The following ROBO2 variants were observed in gnomAD, a reference collection of about 807,000 sequenced individuals.
The protein encoded by ROBO2 is roundabout guidance receptor 2, also known as roundabout homolog 2.
Under a neutral mutation model 160.8 loss-of-function variants are expected in ROBO2, and 53 were observed. The ratio of observed to expected loss-of-function variants is 0.33; its 90% CI spans 0.26 to 0.41. The LOEUF (loss-of-function observed/expected upper bound fraction) is 0.41, where lower values mean the gene tolerates loss of function less well. Ranked by LOEUF, ROBO2 falls within the 10% of genes least tolerant of loss-of-function variation. The probability of loss-of-function intolerance (pLI) is 1.00; values close to 1 mark genes in which losing one functional copy is unlikely to be tolerated. For synonymous variants in ROBO2, 664 were observed against 611.7 expected (o/e 1.09, Z -1.26); for missense variants, 1,577 against 1,722.4 (o/e 0.92, Z 1.49).
intron 2 of ROBO2, among the ~76,000 whole-genome samples, chr3:77,419,652 A>G (rs780945790): frequency 5.9e-5 from 9 of 152,134 alleles, no homozygotes; most frequent in African/African-American, 9.7e-5. Flanking sequence ...ACTTACTATG[A>G]GAGTAAATAT....
In ROBO2 at chr3:77,334,158, T is replaced by G. The variant is rs924123998; in HGVS notation, c.389-143256T>G. 2.6e-5 allele frequency among the ~76,000 whole-genome samples: 4 copies of G among 152,182 alleles called. No individual in the cohort carries two copies. In the East Asian group the frequency reaches 7.7e-4, roughly 29 times the overall value. On this transcript the variant is annotated intron_variant, in intron 2 of 25. Transcript: ENST00000461745. ...GATTGGTAGATACAAAGTGATCATT[T>G]CAGCATTGTATTAAGCTGTACGTGG...
chr3:76,371,927 G>A (rs2076123410), intron 2 of ROBO2, among the ~76,000 whole-genome samples: 1 of 151,820 alleles, frequency 6.6e-6, no homozygotes, highest in African/African-American at 2.4e-5. Flanking sequence ...CTAATGGAAT[G>A]TCTTTTATAA....
At chr3:76,069,525 G>GTT (rs35295337) in intron 2 of ROBO2, among the ~76,000 whole-genome samples, 85,117 of 148,004 alleles carry the variant, frequency 0.58, 24,544 homozygotes, top group Middle Eastern at 0.73. Context: ...CTTATTGCTA[G>GTT]TTTTTTTTTT....
intron 2 of ROBO2, among the ~76,000 whole-genome samples, chr3:77,138,810 C>A (rs1180178096): frequency 6.6e-6 from 1 of 151,912 alleles, no homozygotes; most frequent in African/African-American, 2.4e-5. Flanking sequence ...AGGACAATTG[C>A]AGAGTTTATG....
Position 75,986,114 on chromosome 3 carries a change from G to A in ROBO2, c.109+48512G>A, listed in dbSNP as rs187367405. 7.6e-4 allele frequency among the ~76,000 whole-genome samples: 115 copies of A among 151,614 alleles called. 1 individual carries two copies. Among genetic ancestry groups the A allele is most frequent in the Middle Eastern group, 3.4e-3 (1 of 294 alleles). The stretch of plus-strand genomic sequence containing the variant: ...ATTTTTAATCTTTTAAAGAACTGAC[G>A]TACTGCTTTCTACAGTGGCTGTATC... On this transcript the variant is annotated intron_variant, in intron 2 of 26. Coordinates refer to the ROBO2 transcript ENST00000487694.
chr3:77,503,736 A>G (rs2088023014), intron 5 of ROBO2, among the ~76,000 whole-genome samples: 2 of 151,634 alleles, frequency 1.3e-5, no homozygotes, highest in African/African-American at 4.9e-5. Context: ...TACCCAATAA[A>G]TATTTTTTTC....
intron 2 of ROBO2, among the ~76,000 whole-genome samples, chr3:77,413,183 A>G (rs2076941418): frequency 6.6e-6 from 1 of 152,082 alleles, no homozygotes; most frequent in East Asian, 1.9e-4. Context: ...TAGACAATAA[A>G]CAAGGCAAAT....
chr3:77,269,486 A>G (rs1434032449), intron 2 of ROBO2, among the ~76,000 whole-genome samples: 3 of 152,298 alleles, frequency 2.0e-5, no homozygotes, highest in African/African-American at 7.2e-5. Context: ...AGCATCATTT[A>G]GAATTCATCT....
chr3:76,845,453 C>T (rs949586387), intron 2 of ROBO2, among the ~76,000 whole-genome samples: 1 of 151,998 alleles, frequency 6.6e-6, no homozygotes, highest in African/African-American at 2.4e-5. Context: ...TGTATTTAAT[C>T]GAACTGGGGA....
chr3:75,976,447 G>C (rs1399424690), intron 2 of ROBO2, among the ~76,000 whole-genome samples: 1 of 151,514 alleles, frequency 6.6e-6, no homozygotes, highest in Non-Finnish European at 1.5e-5. Flanking sequence ...TCTAGACACA[G>C]AAAGTACATA....
At chr3:77,276,874 G>C (rs1380387204) in intron 2 of ROBO2, among the ~76,000 whole-genome samples, 1 of 152,188 alleles carries the variant, frequency 6.6e-6, no homozygotes, top group Non-Finnish European at 1.5e-5. Flanking sequence ...AAGAGATCTT[G>C]TGCAGGGGAA....
chr3:77,376,889 T>G (rs914519342), intron 2 of ROBO2, among the ~76,000 whole-genome samples: 2 of 152,182 alleles, frequency 1.3e-5, no homozygotes, highest in African/African-American at 4.8e-5. Flanking sequence ...TAATTCTGAC[T>G]AGCAGAAGTA....
upstream of ROBO2, among the ~76,000 whole-genome samples, chr3:77,038,073 TAAAAG>T (rs1276245807): frequency 6.6e-6 from 1 of 152,226 alleles, no homozygotes; most frequent in Non-Finnish European, 1.5e-5. Context: ...TTTCCAGAGA[TAAAAG>T]AGATGTTAAT....
intron 2 of ROBO2, among the ~76,000 whole-genome samples, chr3:77,311,676 T>A (rs1368524806): frequency 1.3e-5 from 2 of 152,210 alleles, no homozygotes; most frequent in Non-Finnish European, 2.9e-5. Context: ...TTCTCAGGGT[T>A]CTTGTTGTAT....
chr3:76,195,898 GC>G (rs1175658642), intron 2 of ROBO2, among the ~76,000 whole-genome samples: 2 of 151,942 alleles, frequency 1.3e-5, no homozygotes, highest in Non-Finnish European at 2.9e-5. Context: ...TTACGTCTTA[GC>G]CACATCCTTA....
chr3:77,178,593 A>C (rs769321586), intron 2 of ROBO2, among the ~76,000 whole-genome samples: 8 of 152,106 alleles, frequency 5.3e-5, no homozygotes, highest in Non-Finnish European at 8.8e-5. Context: ...AGAACATTTT[A>C]AAAAATGTTA....
chr3:75,971,699 A>G (rs1337984294), intron 2 of ROBO2, among the ~76,000 whole-genome samples: 1 of 151,514 alleles, frequency 6.6e-6, no homozygotes, highest in Non-Finnish European at 1.5e-5. Flanking sequence ...AAGTTTGGAA[A>G]ACTTCAGGCT....
rs544137165 is a variant in ROBO2, at chr3:76,670,358, T to C, written c.110-427656T>C. ...TCATAGTAGTTTCTTTCAGGTGTGTTTCTAGGCTAGTTTTGCCAGAAAAAG... is the reference window on the plus strand; with the variant it reads ...TCATAGTAGTTTCTTTCAGGTGTGTCTCTAGGCTAGTTTTGCCAGAAAAAG... On this transcript the variant is annotated intron_variant, in intron 2 of 26. Coordinates refer to the ROBO2 transcript ENST00000487694. Among the ~76,000 whole-genome samples the C allele has an allele frequency of 2.9e-3, 447 of 152,136 alleles. 3 individuals carry two copies. Among genetic ancestry groups the C allele is most frequent in the African/African-American group, 0.01 (426 of 41,508 alleles).
chr3:77,039,253 A>G (rs933697909), upstream of ROBO2, among the ~76,000 whole-genome samples: 54 of 152,222 alleles, frequency 3.5e-4, no homozygotes, highest in Middle Eastern at 6.8e-3. Context: ...TTCCAGTCCA[A>G]AAGGTGCTTC....
Sources: gnomAD v4.1 joint callset for allele counts (sites outside exome capture counted in the v4.1 genomes callset) on GRCh38, gnomAD v4.1.1 for gene constraint, MANE v1.5 for transcripts, NCBI Gene and HGNC (gene_info 2026-07-23, HGNC 2026-07-21) for gene names.